TNRC6B: variants seen among roughly 807,000 people sequenced by gnomAD.
TNRC6B encodes trinucleotide repeat-containing gene 6B protein.
In TNRC6B, 52 loss-of-function variants were observed where a neutral mutation model predicts 203.6. The observed-to-expected ratio is 0.26, with a 90% confidence interval of 0.20 to 0.32. The LOEUF (loss-of-function observed/expected upper bound fraction) is 0.32, where lower values mean the gene tolerates loss of function less well. Among genes scored for constraint, TNRC6B ranks in the 10% least tolerant of loss-of-function variants. The pLI is 1.00. For synonymous variants in TNRC6B, 838 were observed against 845.7 expected (o/e 0.99, Z 0.16); for missense variants, 1,923 against 2,286.2 (o/e 0.84, Z 3.24).
chr22:40,136,761 A>G (rs952004356), intron 3 of TNRC6B, among the ~76,000 whole-genome samples: 6 of 152,252 alleles, frequency 3.9e-5, no homozygotes, highest in African/African-American at 9.6e-5. Context: ...TAGGGTTTCA[A>G]ATTTATAGCT....
At chr22:40,102,212 AAAAC>A (rs1393062075) in intron 1 of TNRC6B, among the ~76,000 whole-genome samples, 1 of 152,184 alleles carries the variant, frequency 6.6e-6, no homozygotes, top group African/African-American at 2.4e-5. Context: ...CTGTTGGACA[AAAAC>A]AAGGAGGGAG....
At chr22:40,146,538 G>A (rs533931702) in intron 3 of TNRC6B, among the ~76,000 whole-genome samples, 1 of 151,058 alleles carries the variant, frequency 6.6e-6, no homozygotes, top group East Asian at 1.9e-4. Flanking sequence ...GGGATTACAG[G>A]CATGTGCCAC....
intron 19 of TNRC6B, 98 bp downstream of exon 19, chr22:40,313,095 T>C (rs1208112453): frequency 3.2e-6 from 3 of 951,224 alleles, no homozygotes; most frequent in Non-Finnish European, 4.9e-6. Flanking sequence ...GATATACTCT[T>C]ACAGAAGTTC....
chr22:40,277,213 A>T, intron 8 of TNRC6B, 62 bp downstream of exon 8: 1 of 1,263,480 alleles, frequency 7.9e-7, no homozygotes, highest in Non-Finnish European at 1.1e-6. Context: ...TATTAATACC[A>T]ATTTTAAGAC....
At chr22:40,262,883 T>TA (rs993352619) in intron 4 of TNRC6B, among the ~76,000 whole-genome samples, 10 of 151,692 alleles carry the variant, frequency 6.6e-5, no homozygotes, top group Middle Eastern at 3.4e-3. Context: ...ACTAAAAATA[T>TA]AAAAAAATTA....
chr22:40,080,605 C>T (rs1434429433), intron 1 of TNRC6B, among the ~76,000 whole-genome samples: 1 of 152,132 alleles, frequency 6.6e-6, no homozygotes, highest in Non-Finnish European at 1.5e-5. Context: ...TGTCCATATC[C>T]AACTTCAAAT....
intron 1 of TNRC6B, among the ~76,000 whole-genome samples, chr22:40,112,025 C>G (rs1175474261): frequency 2.0e-5 from 3 of 152,086 alleles, no homozygotes; most frequent in Non-Finnish European, 4.4e-5. Flanking sequence ...TGCTTGAACC[C>G]AGCGGCAGAG....
chr22:40,061,239 A>G lies in TNRC6B; in HGVS notation c.-121+16241A>G, dbSNP rs546242194. On this transcript the variant is annotated intron_variant, in intron 1 of 23. Transcript: ENST00000301923. Reference sequence around the variant, plus strand: ...GATTTATTATTATTATTTGAGACGGAGTTTTGCTCTTGTTGCTCGGGCTGG... The same window carrying G: ...GATTTATTATTATTATTTGAGACGGGGTTTTGCTCTTGTTGCTCGGGCTGG... 1.5e-3 allele frequency among the ~76,000 whole-genome samples: 222 copies of G among 152,170 alleles called. 3 individuals carry two copies. Among genetic ancestry groups the G allele is most frequent in the African/African-American group, 4.9e-3 (203 of 41,526 alleles).
chr22:40,266,969 T>C lies in TNRC6B; in HGVS notation c.2739T>C (p.Asn913=). ...NYKNVNLWDK[N]SQGGPAPREP... is the part of the protein sequence containing the mutation. ...AGAATGTGAATCTGTGGGATAAGAA[T>C]TCCCAAGGGGGCCCAGCACCTCGAG... Residue 913 remains asparagine (N), a synonymous_variant, in exon 5 of 23, where the codon AAT becomes AAC. Transcript: ENST00000454349. 1 of 1,613,252 alleles carries C rather than the reference T, an allele frequency of 6.2e-7. No individual in the cohort carries two copies. The highest frequency in any genetic ancestry group is 8.5e-7 in the Non-Finnish European group (1 of 1,179,594).
intron 3 of TNRC6B, among the ~76,000 whole-genome samples, chr22:40,138,798 G>A (rs1044384250): frequency 6.6e-6 from 1 of 151,968 alleles, no homozygotes; most frequent in Non-Finnish European, 1.5e-5. Flanking sequence ...GCATGGATAA[G>A]AATTCACTCT....
chr22:40,152,314 T>C (rs1039592053), intron 3 of TNRC6B, among the ~76,000 whole-genome samples: 14 of 152,290 alleles, frequency 9.2e-5, no homozygotes, highest in East Asian at 1.9e-4. Context: ...GTTTACTGAC[T>C]TCAACGTTTT....
intron 13 of TNRC6B, 32 bp from the exon 14 acceptor site, chr22:40,300,876 CTT>C (rs2071013894): frequency 1.3e-6 from 2 of 1,599,408 alleles, no homozygotes; most frequent in Non-Finnish European, 8.5e-7. Context: ...TCTCAGGAAA[CTT>C]TGGTTTTCTG....
chr22:40,153,808 A>G (rs1193982717), intron 3 of TNRC6B, among the ~76,000 whole-genome samples: 3 of 151,420 alleles, frequency 2.0e-5, no homozygotes, highest in Non-Finnish European at 1.5e-5. Flanking sequence ...GTCAGCCGGT[A>G]GTATTAATGT....
Position 40,246,016 on chromosome 22 carries a change from G to A in TNRC6B, c.7G>A (p.Glu3Lys), listed in dbSNP as rs984222696. ...TCTGTTATGATGTTACTTTAATAGA[G>A]AGAAGGAGCAAGAAAGGGAAGAACA... Reference protein sequence around the residue: MREKEQEREEQLM... With the variant: MRKKEQEREEQLM... Residue 3 changes from glutamate (E) to lysine (K), a missense_variant and splice_region_variant, in exon 2 of 23, where the codon GAG becomes AAG. Glu to Lys is a moderately conservative substitution (Grantham distance 56). Coordinates refer to ENST00000454349, the MANE Select transcript of TNRC6B (RefSeq NM_001162501.2). The A allele has an allele frequency of 6.5e-7, 1 of 1,542,522 alleles. No individual in the cohort carries two copies. Among genetic ancestry groups the A allele is most frequent in the Admixed American group, 2.0e-5 (1 of 49,656 alleles).
intron 20 of TNRC6B, among the ~76,000 whole-genome samples, 178 bp downstream of exon 20, chr22:40,315,685 A>AAAGGGACCCAAGAACTTCC (rs139912): frequency 2.0e-5 from 3 of 151,900 alleles, no homozygotes; most frequent in Admixed American, 1.3e-4. Context: ...AGTATAAGGC[A>AAAGGGACCCAAGAACTTCC]AAGGGACAGA....
chr22:40,205,825 C>CCCA (rs1463282958), intron 1 of TNRC6B, among the ~76,000 whole-genome samples: 4 of 152,152 alleles, frequency 2.6e-5, no homozygotes, highest in African/African-American at 9.7e-5. Flanking sequence ...ATTGGCAGAA[C>CCCA]CCACCAAGTG....
At chr22:40,116,245 A>G (rs1487252702) in intron 1 of TNRC6B, among the ~76,000 whole-genome samples, 1 of 152,190 alleles carries the variant, frequency 6.6e-6, no homozygotes, top group Non-Finnish European at 1.5e-5. Flanking sequence ...AGCGGTGTAG[A>G]TGCTGGTCCC....
Position 40,285,696 on chromosome 22 carries a change from C to T in TNRC6B, c.3634C>T (p.His1212Tyr), listed in dbSNP as rs2070770860. ...CAGCACAGCACAATCGAGAGGTCTG[C>T]ACACACCCGTGCAGCCACTAAATTC... Reference protein sequence around the residue: ...GNSTAQSRGLHTPVQPLNSSP... With the variant: ...GNSTAQSRGLYTPVQPLNSSP... Residue 1212 changes from histidine to tyrosine, a missense_variant, in exon 12 of 23, where the codon CAC (histidine) becomes TAC (tyrosine). Around this residue, in one of 8 missense-constraint regions of TNRC6B, gnomAD observed 242 missense variants for 399.5 expected, o/e 0.61. Coordinates refer to ENST00000454349, the MANE Select transcript of TNRC6B (RefSeq NM_001162501.2). 1 of 1,613,982 alleles carries T rather than the reference C, an allele frequency of 6.2e-7. No homozygotes were observed. The highest frequency in any genetic ancestry group is 8.5e-7 in the Non-Finnish European group (1 of 1,179,872).
intron 1 of TNRC6B, among the ~76,000 whole-genome samples, chr22:40,113,345 CAG>C (rs1432130932): frequency 2.6e-5 from 4 of 152,120 alleles, no homozygotes; most frequent in African/African-American, 9.7e-5. Flanking sequence ...CTGTTTCTAG[CAG>C]ATCTACCTCC....
Sources: gnomAD v4.1 joint callset for allele counts (sites outside exome capture counted in the v4.1 genomes callset) on GRCh38, gnomAD v4.1.1 for gene constraint, gnomAD v4.1.1 regional missense constraint, MANE v1.5 for transcripts, NCBI Gene and HGNC (gene_info 2026-07-23, HGNC 2026-07-21) for gene names.